The following PRSS57 variants were observed in gnomAD, a reference collection of about 807,000 sequenced individuals.
PRSS57 encodes the protein neutrophil serine protease 4.
A neutral mutation model predicts 20.6 loss-of-function variants in PRSS57; 19 were observed. That is an observed-to-expected ratio of 0.92 (90% CI 0.64 to 1.35). The LOEUF is 1.35. Among genes scored for constraint, PRSS57 ranks in the 40% most tolerant of loss-of-function variants. The pLI is 0.00. For missense variants in PRSS57, 440 were observed against 403.7 expected (o/e 1.09, Z -0.77); for synonymous variants, 203 against 176.6 (o/e 1.15, Z -1.19).
At chr19:686,744 C>T (rs892071475) in intron 4 of PRSS57, among the ~76,000 whole-genome samples, 181 bp downstream of exon 4, 2 of 152,214 alleles carry the variant, frequency 1.3e-5, no homozygotes, top group African/African-American at 4.8e-5. Flanking sequence ...GCAACCTGCA[C>T]AGCTGAACAT....
Position 695,386 on chromosome 19 carries a change from CA to C in PRSS57, c.44del (p.Val15GlyfsTer5). Reference protein sequence around the residue: ...LRGWGRPLLTVATALMLPVKP... With the variant: ...LRGWGRPLLTXATALMLPVKP... ...TCACGGGCAGCATCAGGGCGGTGGC[CA>C]CAGTCAGCAGAGGACGTCCCCAGCC... On this transcript the variant is annotated frameshift_variant, in exon 1 of 5. Transcript: ENST00000329267. LOFTEE classifies it high-confidence loss of function. 7.8e-7 allele frequency: 1 copy of C among 1,282,652 alleles called. No homozygotes were observed. The highest frequency in any genetic ancestry group is 9.9e-7 in the Non-Finnish European group (1 of 1,009,514). 79.5% of individuals were successfully genotyped at this position (1,282,652 alleles called of 1,614,324 possible).
intron 4 of PRSS57, among the ~76,000 whole-genome samples, chr19:686,465 C>G (rs557065604): frequency 2.4e-4 from 36 of 152,194 alleles, no homozygotes; most frequent in Middle Eastern, 3.4e-3. Context: ...CCAGAGAAAT[C>G]AAGTGACTTT....
At chr19:686,067 G>GA (rs1255779789) in intron 4 of PRSS57, 145 bp from the exon 5 acceptor site, 1 of 753,938 alleles carries the variant, frequency 1.3e-6, no homozygotes, top group Non-Finnish European at 2.1e-6. Flanking sequence ...TCCAGGCCCT[G>GA]AGGACCCAGC....
intron 2 of PRSS57, among the ~76,000 whole-genome samples, chr19:694,395 C>T (rs1599120409): frequency 6.6e-6 from 1 of 151,766 alleles, no homozygotes. Flanking sequence ...TGGTGAAATC[C>T]AGTCTCTACT....
At chr19:689,492 C>T (rs1018293172) in intron 3 of PRSS57, among the ~76,000 whole-genome samples, 1 of 152,032 alleles carries the variant, frequency 6.6e-6, no homozygotes, top group African/African-American at 2.4e-5. Context: ...GTCTGCTGGC[C>T]TCGAGTCAGA....
intron 3 of PRSS57, 55 bp from the exon 4 acceptor site, chr19:687,243 G>T (rs1242730250): frequency 6.9e-7 from 1 of 1,438,896 alleles, no homozygotes. Context: ...CCCCGCTCCT[G>T]CCTCAGTTTA....
chr19:693,365 C>T (rs1568210161), intron 2 of PRSS57, among the ~76,000 whole-genome samples: 1 of 150,884 alleles, frequency 6.6e-6, no homozygotes, highest in Non-Finnish European at 1.5e-5. Context: ...GTAGCTGGGA[C>T]CACAGAAGCA....
Position 687,096 on chromosome 19 carries a change from C to G in PRSS57, c.471G>C (p.Arg157=). 6.2e-7 allele frequency: 1 copy of G among 1,613,692 alleles called. No homozygotes were observed. Among genetic ancestry groups the G allele is most frequent in the Non-Finnish European group, 8.5e-7 (1 of 1,179,934 alleles). Reference sequence around the variant, plus strand: ...CAGACACGAAGCCCCAGCCAGCCACCCGGCACCGTGTCCCCGCTGTGGGGG... The same window carrying G: ...CAGACACGAAGCCCCAGCCAGCCACGCGGCACCGTGTCCCCGCTGTGGGGG... ...ARPPTAGTRC[R]VAGWGFVSDF... is the part of the protein sequence containing the mutation. Residue 157 remains arginine (R), a synonymous_variant, in exon 4 of 5, where the codon CGG becomes CGC. Coordinates refer to ENST00000329267, the MANE Select transcript of PRSS57 (RefSeq NM_001308209.2).
chr19:687,160 G>T lies in PRSS57; in HGVS notation c.407C>A (p.Ala136Glu). Residue 136 changes from alanine to glutamate, a missense_variant, in exon 4 of 5, where the codon GCA (alanine) becomes GAA (glutamate). By Grantham distance (107) the Ala-to-Glu change is moderately radical. Transcript: ENST00000329267. ...RLNGSAVLGP[A>E]VGLLRPPGRR... ...CCCTGGCGGCCTCAGCAGCCCCACT[G>T]CAGGGCCCAGGACAGCAGAGCCGTT... 1 of 1,587,886 alleles carries T rather than the reference G, an allele frequency of 6.3e-7. No homozygotes were observed. Among genetic ancestry groups the T allele is most frequent in the Non-Finnish European group, 8.6e-7 (1 of 1,166,998 alleles).
In PRSS57 at chr19:685,561, A is replaced by T; in HGVS notation, c.*155T>A. 1.4e-6 allele frequency: 1 copy of T among 699,044 alleles called. No homozygotes were observed. The highest frequency in any genetic ancestry group is 2.3e-6 in the Non-Finnish European group (1 of 433,576). The allele number at this position is 699,044 out of a possible 1,614,324, so 43.3% of individuals were successfully genotyped here. A position where few individuals can be genotyped will look rare whatever the true frequency, so the allele number is the denominator to read the frequency against. Reference sequence around the variant, plus strand: ...GAGGCTGGAAGTCAGTTAACATTTTACTGGGTTTGCTTCTGCCCTTTGCAT... The same window carrying T: ...GAGGCTGGAAGTCAGTTAACATTTTTCTGGGTTTGCTTCTGCCCTTTGCAT... On this transcript the variant is annotated 3_prime_UTR_variant, in exon 5 of 5. Transcript: ENST00000329267.
In PRSS57 at chr19:689,136, G is replaced by A. The variant is rs1568207705; in HGVS notation, c.379-1948C>T. On this transcript the variant is annotated intron_variant, in intron 3 of 4. Transcript: ENST00000329267. ...GGAAGGGTGGTCCAGGGGTTAGCAGGTGACGACGGTGCTAGAAGGGTGGTC... is the reference window on the plus strand; with the variant it reads ...GGAAGGGTGGTCCAGGGGTTAGCAGATGACGACGGTGCTAGAAGGGTGGTC... 2.7e-5 allele frequency among the ~76,000 whole-genome samples: 3 copies of A among 109,238 alleles called. 1 individual carries two copies. Among genetic ancestry groups the A allele is most frequent in the Non-Finnish European group, 6.2e-5 (3 of 48,346 alleles). The allele number at this position is 109,238 out of a possible 152,430, so 71.7% of individuals were successfully genotyped here.
Position 685,715 on chromosome 19 carries a change from C to A in PRSS57, c.*1G>T. ...TCATTTGCATGCCGCAAGGTTGTGG[C>A]TCAGGCGGCTTCTCCTGGGGGCCTG... On this transcript the variant is annotated 3_prime_UTR_variant, in exon 5 of 5. Transcript: ENST00000329267. 2.0e-6 allele frequency: 3 copies of A among 1,534,736 alleles called. No individual in the cohort carries two copies. In the South Asian group the frequency reaches 3.6e-5, roughly 18 times the overall value.
chr19:685,623 C>G lies in PRSS57; in HGVS notation c.*93G>C. On this transcript the variant is annotated 3_prime_UTR_variant, in exon 5 of 5. Coordinates refer to ENST00000329267, the MANE Select transcript of PRSS57 (RefSeq NM_001308209.2). ...GTGCCCCACCGCTGCCCGTCCCACC[C>G]CAACCCTGAACATCAGGCTTCCCGT... 1 of 1,303,464 alleles carries G rather than the reference C, an allele frequency of 7.7e-7. No homozygotes were observed. Among genetic ancestry groups the G allele is most frequent in the South Asian group, 1.5e-5 (1 of 68,294 alleles). The allele number at this position is 1,303,464 out of a possible 1,614,324, so 80.7% of individuals were successfully genotyped here. A position where few individuals can be genotyped will look rare whatever the true frequency, so the allele number is the denominator to read the frequency against.
chr19:692,124 C>A (rs750208916), intron 2 of PRSS57, 122 bp from the exon 3 acceptor site: 45 of 1,038,640 alleles, frequency 4.3e-5, no homozygotes, highest in Non-Finnish European at 4.9e-5. Flanking sequence ...AATCCCAGCA[C>A]TTTGGGAGGG....
chr19:691,923 C>T lies in PRSS57; in HGVS notation c.313G>A (p.Asp105Asn), dbSNP rs760617017. 61 of 1,336,140 alleles carry T rather than the reference C, an allele frequency of 4.6e-5. No individual in the cohort carries two copies. Among genetic ancestry groups the T allele is most frequent in the Non-Finnish European group, 5.4e-5 (56 of 1,033,904 alleles). The allele number at this position is 1,336,140 out of a possible 1,614,324, so 82.8% of individuals were successfully genotyped here. The part of the protein sequence containing the change: ...AEPTQQVFGI[D>N]ALTTHPDYHP... ...TAGTCGGGGTGTGTGGTGAGAGCATCGATGCCAAACACCTGCTGGGTGGGC... is the reference window on the plus strand; with the variant it reads ...TAGTCGGGGTGTGTGGTGAGAGCATTGATGCCAAACACCTGCTGGGTGGGC... The change falls in exon 3 of 5, where the codon GAT becomes AAT. Residue 105 changes from aspartate (D) to asparagine (N), a missense_variant. Coordinates refer to ENST00000329267, the MANE Select transcript of PRSS57 (RefSeq NM_001308209.2).
rs765592190 is a variant in PRSS57 at position 694,997 on chromosome 19, G to A, written c.80-30C>T. The A allele has an allele frequency of 2.1e-5, 32 of 1,494,506 alleles. No homozygotes were observed. In the Admixed American group the frequency reaches 5.4e-4, roughly 25 times the overall value. The allele number at this position is 1,494,506 out of a possible 1,614,324, so 92.6% of individuals were successfully genotyped here. On this transcript the variant is annotated intron_variant, in intron 1 of 4. Coordinates refer to ENST00000329267, the MANE Select transcript of PRSS57 (RefSeq NM_001308209.2). ...TGGAGGGACGGCCTGAGTCAGGGAC[G>A]AGGCGGGAGGAACGGATGACGGGGC...
intron 2 of PRSS57, among the ~76,000 whole-genome samples, chr19:694,076 A>G (rs2031722691): frequency 6.6e-6 from 1 of 151,664 alleles, no homozygotes; most frequent in Non-Finnish European, 1.5e-5. Flanking sequence ...GAGTTTCACC[A>G]TGTTGGCCAG....
chr19:695,039 G>C, intron 1 of PRSS57, 72 bp from the exon 2 acceptor site: 1 of 1,389,896 alleles, frequency 7.2e-7, no homozygotes, highest in Non-Finnish European at 9.5e-7. Flanking sequence ...CAGGGCAGGG[G>C]GAGAAGTAGC....
At chr19:694,626 T>G (rs929575369) in intron 2 of PRSS57, among the ~76,000 whole-genome samples, 188 bp downstream of exon 2, 2 of 132,988 alleles carry the variant, frequency 1.5e-5, no homozygotes, top group Non-Finnish European at 3.3e-5. Context: ...GCCTGTTGCT[T>G]CTTCTGTGCT....
Sources: allele counts gnomAD v4.1 joint callset (sites outside exome capture counted in the v4.1 genomes callset), GRCh38; gene constraint gnomAD v4.1.1; transcripts MANE v1.5; gene names NCBI Gene and HGNC (gene_info 2026-07-23, HGNC 2026-07-21).